Variants in ACTR1B observed in about 807,000 individuals in gnomAD.
ACTR1B encodes the protein actin related protein 1B.
In ACTR1B, 34 loss-of-function variants were observed where a neutral mutation model predicts 49.4. The ratio of observed to expected loss-of-function variants is 0.69; its 90% CI spans 0.52 to 0.92. The LOEUF is 0.92. Ranked by LOEUF, ACTR1B falls within the 40% of genes least tolerant of loss-of-function variation. ACTR1B has a pLI of 0.00. For synonymous variants in ACTR1B, 207 were observed against 207.8 expected, an observed-to-expected ratio of 1.00 and a Z score of 0.03; for missense variants, 471 against 522.4, an observed-to-expected ratio of 0.90 and a Z score of 0.96.
At position 97,657,158 on chromosome 2, in the gene ACTR1B, C is replaced by T. The variant is rs1674865571; in HGVS notation, c.1022G>A (p.Trp341Ter). ...CCCTTGAGCCCCGCCTCACCCAATC[C>T]ATGTGGAGTACAGCCGTTCCTGCGG... is the stretch of plus-strand genomic sequence containing the variant. ...SAPQERLYSTWIGGSILASLD... is the reference protein window; with the variant it reads ...SAPQERLYST Residue 341 changes from tryptophan to a stop codon, truncating the protein, a stop_gained, in exon 10 of 11, where the codon TGG (tryptophan) becomes TAG (stop). Coordinates refer to ENST00000289228, the MANE Select transcript of ACTR1B (RefSeq NM_005735.4). LOFTEE classifies it high-confidence loss of function. The T allele has an allele frequency of 6.2e-7, 1 of 1,613,682 alleles. No individual in the cohort carries two copies. The highest frequency in any genetic ancestry group is 8.5e-7 in the Non-Finnish European group (1 of 1,179,792).
chr2:97,658,630 G>C lies in ACTR1B; in HGVS notation c.454C>G (p.Arg152Gly). Residue 152 changes from arginine (R) to glycine (G), a missense_variant, in exon 6 of 11, where the codon CGC becomes GGC. Arg to Gly is a moderately radical substitution (Grantham distance 125). Coordinates refer to ENST00000289228, the MANE Select transcript of ACTR1B (RefSeq NM_005735.4). This position sits in a 1 kb window ranked among gnomAD's most constrained non-coding sequence, Gnocchi z 5.9. The part of the protein sequence containing the change: ...QAVLSLYATG[R>G]TTGVVLDSGD... ...GAGTCTAGAACCACTCCTGTCGTGC[G>C]TCCTGTTGCGTACCTGTCACCAGGT... The C allele has an allele frequency of 1.2e-6, 2 of 1,613,774 alleles. No homozygotes were observed. Among genetic ancestry groups the C allele is most frequent in the Non-Finnish European group, 1.7e-6 (2 of 1,180,004 alleles).
At position 97,658,097 on chromosome 2, in the gene ACTR1B, C is replaced by G; in HGVS notation, c.771G>C (p.Arg257=). 1.9e-6 allele frequency: 3 copies of G among 1,614,026 alleles called. No homozygotes were observed. The highest frequency in any genetic ancestry group is 2.5e-6 in the Non-Finnish European group (3 of 1,180,020). The stretch of plus-strand genomic sequence containing the variant: ...CCGGCTGGAACAGCAGCTCGGGGGC[C>G]CGGAATCGTGCAGGCCCCACCTTTA... The part of the protein sequence containing the change: ...STLDVGPARF[R]APELLFQPDL... The change falls in exon 8 of 11, where the codon CGG becomes CGC. Residue 257 remains arginine, a synonymous_variant. Coordinates refer to ENST00000289228, the MANE Select transcript of ACTR1B (RefSeq NM_005735.4). This position sits in a 1 kb window ranked among gnomAD's most constrained non-coding sequence, Gnocchi z 5.9.
intron 1 of ACTR1B, among the ~76,000 whole-genome samples, chr2:97,662,359 G>T (rs963606503): frequency 6.6e-6 from 1 of 151,558 alleles, no homozygotes; most frequent in African/African-American, 2.4e-5. Context: ...GGATTCCATA[G>T]CACATGCTAC....
chr2:97,661,938 C>A lies in ACTR1B; in HGVS notation c.57G>T (p.Gly19=). Residue 19 remains glycine (G), a synonymous_variant, in exon 2 of 11, where the codon GGG becomes GGT. Coordinates refer to ENST00000289228, the MANE Select transcript of ACTR1B (RefSeq NM_005735.4). ...NQPVVIDNGS[G]VIKAGFAGDQ... The stretch of plus-strand genomic sequence containing the variant: ...CTCCTGCAAAGCCAGCTTTAATCAC[C>A]CCCGAACCCTGCAAGGAAAAACAAA... 6.3e-7 allele frequency: 1 copy of A among 1,592,258 alleles called. No homozygotes were observed. The highest frequency in any genetic ancestry group is 1.7e-5 in the Admixed American group (1 of 57,360).
intron 8 of ACTR1B, 85 bp from the exon 9 acceptor site, chr2:97,657,594 G>T: frequency 7.5e-7 from 1 of 1,339,788 alleles, no homozygotes; most frequent in Non-Finnish European, 1.1e-6. Context: ...AGGGCCCCCA[G>T]CTACTGCTGG....
chr2:97,659,382 G>T lies in ACTR1B; in HGVS notation c.285C>A (p.Ser95=), dbSNP rs1251765447. 1 of 1,614,040 alleles carries T rather than the reference G, an allele frequency of 6.2e-7. No individual in the cohort carries two copies. The change falls in exon 4 of 11, where the codon TCC becomes TCA. Residue 95 remains serine (S), a synonymous_variant. Transcript: ENST00000289228. This position sits in a 1 kb window ranked among gnomAD's most constrained non-coding sequence, Gnocchi z 4.0. ...CCGAGAAGGTCTGCAGCTGATCCTT[G>T]GAGTAGACGTACTGCCAGATGCGTT... The part of the protein sequence containing the change: ...DMERIWQYVY[S]KDQLQTFSEE...
chr2:97,656,442 G>GAT lies in ACTR1B; in HGVS notation c.*414_*415dup, dbSNP rs2104494507. On this transcript the variant is annotated 3_prime_UTR_variant, in exon 11 of 11. Transcript: ENST00000289228. ...AGGTCACGAACAGGAGGTGGCAATG[G>GAT]ATGCAGTGACACACCAGTGGGAGCT... 1 of 230,220 alleles carries GAT rather than the reference G, an allele frequency of 4.3e-6. No homozygotes were observed. Among genetic ancestry groups the GAT allele is most frequent in the East Asian group, 1.2e-4 (1 of 8,292 alleles). The allele number at this position is 230,220 out of a possible 1,614,324, so 14.3% of individuals were successfully genotyped here.
In ACTR1B at chr2:97,658,143, C is replaced by A; in HGVS notation, c.751-26G>T. On this transcript the variant is annotated intron_variant, in intron 7 of 10. Transcript: ENST00000289228. The surrounding 1 kb of genome is among the most constrained non-coding windows in gnomAD (Gnocchi z 5.9). ...CTTTAGTGTACAAGATTGAGGCAGA[C>A]AGGCTTCCTGGAGAAGCGGGCTACC... is the stretch of plus-strand genomic sequence containing the variant. 6.2e-7 allele frequency: 1 copy of A among 1,613,100 alleles called. No individual in the cohort carries two copies. The highest frequency in any genetic ancestry group is 8.5e-7 in the Non-Finnish European group (1 of 1,179,394).
chr2:97,657,376 G>T, intron 9 of ACTR1B, 72 bp downstream of exon 9: 1 of 1,554,384 alleles, frequency 6.4e-7, no homozygotes, highest in Non-Finnish European at 8.9e-7. Flanking sequence ...TCTGGGGGCA[G>T]CATTCAACCT....
At chr2:97,662,866 A>G (rs1675058201) in intron 1 of ACTR1B, among the ~76,000 whole-genome samples, 1 of 152,174 alleles carries the variant, frequency 6.6e-6, no homozygotes. Context: ...GTGTGACAGC[A>G]CGTCCCCAAG....
chr2:97,657,867 G>T, intron 8 of ACTR1B, 76 bp downstream of exon 8: 1 of 1,526,262 alleles, frequency 6.6e-7, no homozygotes. Flanking sequence ...ATATGGCTCT[G>T]GGTAGGGGTA....
At position 97,656,744 on chromosome 2, in the gene ACTR1B, G is replaced by A. The variant is rs1674852037; in HGVS notation, c.*114C>T. ...GCACTGCTGTGCCACCCACCCAGGGGTTCAGGGCATGCAGGGGACCCTAAG... is the reference window on the plus strand; with the variant it reads ...GCACTGCTGTGCCACCCACCCAGGGATTCAGGGCATGCAGGGGACCCTAAG... On this transcript the variant is annotated 3_prime_UTR_variant, in exon 11 of 11. Coordinates refer to ENST00000289228, the MANE Select transcript of ACTR1B (RefSeq NM_005735.4). The A allele has an allele frequency of 2.4e-6, 2 of 836,426 alleles. No individual in the cohort carries two copies. Among genetic ancestry groups the A allele is most frequent in the Non-Finnish European group, 3.9e-6 (2 of 513,660 alleles). The allele number at this position is 836,426 out of a possible 1,614,324, so 51.8% of individuals were successfully genotyped here.
rs995669545 is a variant in ACTR1B at position 97,658,692 on chromosome 2, C to G, written c.441-49G>C. 3.1e-6 allele frequency: 5 copies of G among 1,602,430 alleles called. No individual in the cohort carries two copies. The highest frequency in any genetic ancestry group is 3.4e-6 in the Non-Finnish European group (4 of 1,171,326). ...CACCTCAGCCACTGAGGCACGGGGACCTCCTCACCCAGGGGAGGAACCCTG... is the reference window on the plus strand; with the variant it reads ...CACCTCAGCCACTGAGGCACGGGGAGCTCCTCACCCAGGGGAGGAACCCTG... On this transcript the variant is annotated intron_variant, in intron 5 of 10. Coordinates refer to ENST00000289228, the MANE Select transcript of ACTR1B (RefSeq NM_005735.4). This position sits in a 1 kb window ranked among gnomAD's most constrained non-coding sequence, Gnocchi z 5.9.
At chr2:97,662,025 G>T in intron 1 of ACTR1B, 79 bp from the exon 2 acceptor site, 1 of 1,439,022 alleles carries the variant, frequency 6.9e-7, no homozygotes, top group Non-Finnish European at 9.6e-7. Flanking sequence ...AGAGCTGGCT[G>T]CCCCGTCAAG....
chr2:97,659,017 G>A lies in ACTR1B; in HGVS notation c.316-14C>T. 3 of 1,613,996 alleles carry A rather than the reference G, an allele frequency of 1.9e-6. No homozygotes were observed. The highest frequency in any genetic ancestry group is 1.1e-5 in the South Asian group (1 of 91,058). On this transcript the variant is annotated splice_polypyrimidine_tract_variant and intron_variant, in intron 4 of 10. Transcript: ENST00000289228. This position sits in a 1 kb window ranked among gnomAD's most constrained non-coding sequence, Gnocchi z 4.0. ...GAGCACAGGATGCTGCGAGGGACGG[G>A]ACAGTTGTAGGCATCAGAGGAGGCA...
chr2:97,662,586 G>T (rs1453053191), intron 1 of ACTR1B, among the ~76,000 whole-genome samples: 3 of 152,050 alleles, frequency 2.0e-5, no homozygotes, highest in Non-Finnish European at 4.4e-5. Context: ...CCACCTGGAA[G>T]CTGGACTTAA....
rs1308576334 is a variant in ACTR1B at position 97,659,499 on chromosome 2, T to C, written c.190-22A>G. ...GCTCCTGGTGGGGTGGGAAGGGAGG[T>C]GTGGCACCCGGCCCTTGCTCAGCGG... is the stretch of plus-strand genomic sequence containing the variant. On this transcript the variant is annotated intron_variant, in intron 3 of 10. Transcript: ENST00000289228. The surrounding 1 kb of genome is among the most constrained non-coding windows in gnomAD (Gnocchi z 4.0). 1 of 1,610,952 alleles carries C rather than the reference T, an allele frequency of 6.2e-7. No individual in the cohort carries two copies. The highest frequency in any genetic ancestry group is 1.3e-5 in the African/African-American group (1 of 74,622).
rs151155439 is a variant in ACTR1B, at chr2:97,658,226, C to G, written c.748G>C (p.Asp250His). ...QYTLPDGSTLDVGPARFRAPE... is the reference protein window; with the variant it reads ...QYTLPDGSTLHVGPARFRAPE... ...CAGTGCCAGGCCCGGCCACTTACAT[C>G]AAGCGTGCTGCCGTCTGGCAACGTG... The change falls in exon 7 of 11, where the codon GAT becomes CAT. Residue 250 changes from aspartate to histidine, a missense_variant and splice_region_variant. Asp to His is a moderately conservative substitution (Grantham distance 81). Transcript: ENST00000289228. The surrounding 1 kb of genome is among the most constrained non-coding windows in gnomAD (Gnocchi z 5.9). 6.2e-7 allele frequency: 1 copy of G among 1,614,034 alleles called. No individual in the cohort carries two copies. The highest frequency in any genetic ancestry group is 1.3e-5 in the African/African-American group (1 of 74,942).
In ACTR1B at chr2:97,658,380, C is replaced by G. The variant is rs748669123; in HGVS notation, c.657+47G>C. The G allele has an allele frequency of 4.3e-6, 7 of 1,613,612 alleles. No homozygotes were observed. Among genetic ancestry groups the G allele is most frequent in the Middle Eastern group, 1.7e-4 (1 of 6,058 alleles). ...TGGGACACCTGTGCCTTGGTGCCAC[C>G]CTTTCCTCACCCCAGGTCGTGTCCA... On this transcript the variant is annotated intron_variant, in intron 6 of 10. Transcript: ENST00000289228. This position sits in a 1 kb window ranked among gnomAD's most constrained non-coding sequence, Gnocchi z 5.9.
Sources: allele counts gnomAD v4.1 joint callset (sites outside exome capture counted in the v4.1 genomes callset), GRCh38; gene constraint gnomAD v4.1.1; non-coding constraint Gnocchi (gnomAD v3.1); transcripts MANE v1.5; gene names NCBI Gene and HGNC (gene_info 2026-07-23, HGNC 2026-07-21).